SLC4A4: variants seen among roughly 807,000 people sequenced by gnomAD.
The protein encoded by SLC4A4 is electrogenic sodium bicarbonate cotransporter 1.
SLC4A4 carries 27 observed loss-of-function variants against 111.5 expected under a neutral mutation model. The ratio of observed to expected loss-of-function variants is 0.24; its 90% CI spans 0.18 to 0.33. The LOEUF is 0.33. Among genes scored for constraint, SLC4A4 ranks in the 10% least tolerant of loss-of-function variants. The probability of loss-of-function intolerance (pLI) is 1.00; values close to 1 mark genes in which losing one functional copy is unlikely to be tolerated. For synonymous variants in SLC4A4, 443 were observed against 463.4 expected, an observed-to-expected ratio of 0.96 and a Z score of 0.57; for missense variants, 909 against 1,315.5, an observed-to-expected ratio of 0.69 and a Z score of 4.78.
At chr4:71,295,255 C>T (rs369325704) in intron 3 of SLC4A4, among the ~76,000 whole-genome samples, 15 of 152,224 alleles carry the variant, frequency 9.9e-5, no homozygotes, top group South Asian at 4.1e-4. Flanking sequence ...CTCACAGGAA[C>T]GGAACTGTTG....
chr4:71,349,542 A>G (rs1013032989), intron 4 of SLC4A4, among the ~76,000 whole-genome samples: 4 of 152,214 alleles, frequency 2.6e-5, no homozygotes. Flanking sequence ...GGCTATTTTT[A>G]TGCACTGTAG....
Position 71,481,727 on chromosome 4 carries a change from A to C in SLC4A4, c.1904-5221A>C, listed in dbSNP as rs1214180698. ...GCTAAGAAGGAAAAGTCACAGATACATTTGTAAATGTCAATTACTTACAAT... is the reference window on the plus strand; with the variant it reads ...GCTAAGAAGGAAAAGTCACAGATACCTTTGTAAATGTCAATTACTTACAAT... On this transcript the variant is annotated intron_variant, in intron 14 of 25. Transcript: ENST00000264485. Among the ~76,000 whole-genome samples the C allele has an allele frequency of 6.9e-5, 10 of 145,694 alleles. No individual in the cohort carries two copies. The East Asian group carries it at 1.8e-3, about 26-fold the overall frequency.
chr4:71,404,193 T>C (rs1316819876), intron 7 of SLC4A4, among the ~76,000 whole-genome samples: 1 of 152,198 alleles, frequency 6.6e-6, no homozygotes, highest in African/African-American at 2.4e-5. Context: ...TGTGGTCCTC[T>C]TGTTATTACT....
chr4:71,411,885 A>G (rs1721394386), intron 7 of SLC4A4, among the ~76,000 whole-genome samples: 1 of 152,214 alleles, frequency 6.6e-6, no homozygotes. Flanking sequence ...GGCCGCATGA[A>G]CATCAGAAGG....
At chr4:71,375,020 T>C (rs956793549) in intron 6 of SLC4A4, among the ~76,000 whole-genome samples, 2 of 152,212 alleles carry the variant, frequency 1.3e-5, no homozygotes, top group African/African-American at 4.8e-5. Flanking sequence ...CCACTAAACC[T>C]GTTAAATGTT....
At chr4:71,078,383 G>A (rs1461274994) in intron 1 of SLC4A4, among the ~76,000 whole-genome samples, 1 of 152,112 alleles carries the variant, frequency 6.6e-6, no homozygotes, top group East Asian at 1.9e-4. Context: ...ATTAGTAAGT[G>A]TAATGAGTTG....
chr4:71,562,081 A>G (rs956355689), intron 23 of SLC4A4, among the ~76,000 whole-genome samples: 2 of 151,840 alleles, frequency 1.3e-5, no homozygotes, highest in African/African-American at 4.8e-5. Context: ...TATGATTTCC[A>G]ACAAATCCTA....
At chr4:71,192,485 T>C (rs1745775217) in intron 1 of SLC4A4, among the ~76,000 whole-genome samples, 1 of 152,194 alleles carries the variant, frequency 6.6e-6, no homozygotes, top group Admixed American at 6.5e-5. Context: ...ATGGGCTTTA[T>C]TGGCAAATAC....
intron 2 of SLC4A4, among the ~76,000 whole-genome samples, chr4:71,171,127 T>G (rs963770043): frequency 3.3e-5 from 5 of 151,950 alleles, no homozygotes. Flanking sequence ...GAAGAATTAC[T>G]GAAGAACTAC....
intron 3 of SLC4A4, among the ~76,000 whole-genome samples, chr4:71,304,856 CCTTA>C (rs1377059819): frequency 6.6e-6 from 1 of 152,122 alleles, no homozygotes; most frequent in African/African-American, 2.4e-5. Flanking sequence ...TACTGAAAAA[CCTTA>C]CTTTTACAAA....
intron 2 of SLC4A4, among the ~76,000 whole-genome samples, chr4:71,175,740 C>T (rs1325160192): frequency 1.3e-5 from 2 of 150,770 alleles, no homozygotes; most frequent in East Asian, 3.9e-4. Flanking sequence ...TCTGTAGACT[C>T]CACCTCTGGG....
chr4:71,131,969 T>C (rs1743718567), intron 2 of SLC4A4, among the ~76,000 whole-genome samples: 1 of 152,178 alleles, frequency 6.6e-6, no homozygotes, highest in Non-Finnish European at 1.5e-5. Flanking sequence ...CCATAATGTC[T>C]CTGAATCTAC....
chr4:71,193,223 G>C (rs1259546319), intron 1 of SLC4A4, among the ~76,000 whole-genome samples: 1 of 152,144 alleles, frequency 6.6e-6, no homozygotes, highest in Non-Finnish European at 1.5e-5. Context: ...GCGGTGGCCG[G>C]ATCTCGGCTC....
At chr4:71,416,340 G>A (rs1721822102) in intron 7 of SLC4A4, among the ~76,000 whole-genome samples, 1 of 152,174 alleles carries the variant, frequency 6.6e-6, no homozygotes, top group Admixed American at 6.5e-5. Context: ...TAAAAGTTTA[G>A]TTTACAAATC....
At chr4:71,141,117 T>C (rs1449021215) in intron 2 of SLC4A4, among the ~76,000 whole-genome samples, 8 of 152,152 alleles carry the variant, frequency 5.3e-5, no homozygotes, top group Non-Finnish European at 1.2e-4. Flanking sequence ...AAACAAAACA[T>C]ATTCTTTCTG....
intron 2 of SLC4A4, among the ~76,000 whole-genome samples, chr4:71,119,891 C>T (rs974071560): frequency 6.6e-6 from 1 of 152,166 alleles, no homozygotes; most frequent in Non-Finnish European, 1.5e-5. Flanking sequence ...TGTCTTCAGT[C>T]ATGTCTAATC....
chr4:71,086,204 T>C (rs1206625474), intron 1 of SLC4A4, among the ~76,000 whole-genome samples: 3 of 151,802 alleles, frequency 2.0e-5, no homozygotes, highest in Non-Finnish European at 2.9e-5. Flanking sequence ...GGCTCTCTGT[T>C]TGTCTGTTAT....
chr4:71,328,293 G>T (rs537812643), intron 3 of SLC4A4, among the ~76,000 whole-genome samples: 1 of 152,172 alleles, frequency 6.6e-6, no homozygotes, highest in African/African-American at 2.4e-5. Context: ...AACATGCATG[G>T]GAGTACAGAT....
intron 2 of SLC4A4, among the ~76,000 whole-genome samples, chr4:71,180,793 T>C (rs1207826123): frequency 6.6e-6 from 1 of 152,164 alleles, no homozygotes. Flanking sequence ...AGTGTGGCGA[T>C]TCCTCAGGGA....
Sources: allele counts gnomAD v4.1 joint callset (sites outside exome capture counted in the v4.1 genomes callset), GRCh38; gene constraint gnomAD v4.1.1; transcripts MANE v1.5; gene names NCBI Gene and HGNC (gene_info 2026-07-23, HGNC 2026-07-21).